The following MFSD12 variants were observed in gnomAD, a reference collection of about 807,000 sequenced individuals.
The protein encoded by MFSD12 is major facilitator superfamily domain-containing protein 12.
MFSD12 carries 67 observed loss-of-function variants against 51.2 expected under a neutral mutation model. The ratio of observed to expected loss-of-function variants is 1.31; its 90% confidence interval spans 1.08 to 1.60. The LOEUF (loss-of-function observed/expected upper bound fraction) is 1.60, where lower values mean the gene tolerates loss of function less well. Ranked by LOEUF, MFSD12 falls within the 40% of genes most tolerant of loss-of-function variation. MFSD12 has a pLI of 0.00. For synonymous variants in MFSD12, 441 were observed against 316.7 expected, an observed-to-expected ratio of 1.39 and a Z score of -4.17; for missense variants, 921 against 673.0, an observed-to-expected ratio of 1.37 and a Z score of -4.08.
Position 3,551,126 on chromosome 19 carries a change from G to A in MFSD12, c.367C>T (p.Pro123Ser). 6.2e-7 allele frequency: 1 copy of A among 1,613,044 alleles called. No individual in the cohort carries two copies. Among genetic ancestry groups the A allele is most frequent in the African/African-American group, 1.3e-5 (1 of 75,078 alleles). The change falls in exon 2 of 10, where the codon CCC becomes TCC. Residue 123 changes from proline (P) to serine (S), a missense_variant. Physicochemically the swap from Pro to Ser is moderately conservative, Grantham distance 74. Coordinates refer to ENST00000355415, the MANE Select transcript of MFSD12 (RefSeq NM_174983.5). This position sits in a 1 kb window ranked among gnomAD's most constrained non-coding sequence, Gnocchi z 4.6. ...TAGTAGAGGAGGGCAGCCCACTCGG[G>A]CGTGGCCGCCCCACAGCCCAGGCAG... is the stretch of plus-strand genomic sequence containing the variant. ...SPCLGCGAAT[P>S]EWAALLYYGP...
chr19:3,544,076 GGGGACCAGAGGCTC>G, downstream of MFSD12: 1 of 1,458,914 alleles, frequency 6.9e-7, no homozygotes, highest in South Asian at 1.4e-5. Flanking sequence ...CCTAGTCCCA[GGGGACCAGAGGCTC>G]GGGACAGAGG....
rs762571396 is a variant in MFSD12, at chr19:3,547,943, C to T, written c.742G>A (p.Glu248Lys). ...AGGGGGGTGTGCTCGCCTGGCTCCTCCGCATGCGGCCGGCGCCTCTCCCGG... is the reference window on the plus strand; with the variant it reads ...AGGGGGGTGTGCTCGCCTGGCTCCTTCGCATGCGGCCGGCGCCTCTCCCGG... ...GTRERRRPHA[E>K]EPGEHTPLLA... Residue 248 changes from glutamate to lysine, a missense_variant, in exon 4 of 10, where the codon GAG becomes AAG. Transcript: ENST00000355415. The T allele has an allele frequency of 2.3e-5, 37 of 1,593,252 alleles. 1 individual carries two copies. In the Middle Eastern group the frequency reaches 8.4e-4, roughly 36 times the overall value.
intron 1 of MFSD12, among the ~76,000 whole-genome samples, chr19:3,555,265 C>T (rs753170909): frequency 2.0e-5 from 3 of 152,136 alleles, no homozygotes; most frequent in Non-Finnish European, 4.4e-5. Flanking sequence ...TGCGCCACCA[C>T]GCTCGGCTAA....
chr19:3,554,331 G>A (rs2031629034), intron 1 of MFSD12, among the ~76,000 whole-genome samples: 1 of 151,748 alleles, frequency 6.6e-6, no homozygotes, highest in Non-Finnish European at 1.5e-5. Context: ...CAGCTACTCA[G>A]GAGGCTGACG....
chr19:3,543,486 C>A (rs755094252), downstream of MFSD12: 12 of 1,518,318 alleles, frequency 7.9e-6, no homozygotes, highest in South Asian at 1.2e-4. Context: ...GAGTGCCCCC[C>A]CCCCCGCCCT....
At chr19:3,543,519 G>A, downstream of MFSD12, 1 of 1,529,488 alleles carries the variant, frequency 6.5e-7, no homozygotes, top group Non-Finnish European at 8.8e-7. Context: ...TGCCAGAGGG[G>A]GACAGGAATG....
At chr19:3,556,992 G>A (rs956818106) in intron 1 of MFSD12, 114 bp downstream of exon 1, 1 of 1,034,544 alleles carries the variant, frequency 9.7e-7, no homozygotes, top group Non-Finnish European at 1.3e-6. Flanking sequence ...AGACCGAGGG[G>A]AGACTCCGAT....
chr19:3,547,434 T>A (rs1375443396), intron 5 of MFSD12, 21 bp downstream of exon 5: 1 of 1,611,970 alleles, frequency 6.2e-7, no homozygotes, highest in Non-Finnish European at 8.5e-7. Context: ...CATCCCAGCG[T>A]CCCCGCCCCA....
chr19:3,554,091 A>T lies in MFSD12; in HGVS notation c.299-2897T>A, dbSNP rs981677358. Among the ~76,000 whole-genome samples, 7 of 151,848 alleles carry T rather than the reference A, an allele frequency of 4.6e-5. No individual in the cohort carries two copies. The East Asian group carries it at 1.3e-3, about 29-fold the overall frequency. On this transcript the variant is annotated intron_variant, in intron 1 of 9. Coordinates refer to ENST00000355415, the MANE Select transcript of MFSD12 (RefSeq NM_174983.5). ...AGCAAGACTCCGTCTCAAAAATAAA[A>T]AATAAAAATAAATAAAAAATTAAAA...
rs768258732 is a variant in MFSD12 at position 3,547,354 on chromosome 19, G to C, written c.941C>G (p.Ala314Gly). 1.2e-6 allele frequency: 2 copies of C among 1,613,218 alleles called. No individual in the cohort carries two copies. The highest frequency in any genetic ancestry group is 2.7e-5 in the African/African-American group (2 of 74,944). ...YSLHLPKKFI[A>G]TIPLVMYLSG... ...GAGGTACATCACCAGGGGAATGGTC[G>C]CGATGAACTTCTGCGGAGGCAGAGC... is the stretch of plus-strand genomic sequence containing the variant. The change falls in exon 6 of 10, where the codon GCG becomes GGG. Residue 314 changes from alanine (A) to glycine (G), a missense_variant. Physicochemically the swap from Ala to Gly is moderately conservative, Grantham distance 60. Coordinates refer to ENST00000355415, the MANE Select transcript of MFSD12 (RefSeq NM_174983.5).
chr19:3,549,162 C>T (rs975174154), intron 2 of MFSD12, among the ~76,000 whole-genome samples: 13 of 152,318 alleles, frequency 8.5e-5, no homozygotes, highest in Non-Finnish European at 1.0e-4. Flanking sequence ...GCATCATCCT[C>T]GTAACCAGAA....
At chr19:3,541,082 T>C (rs1206902298), downstream of MFSD12, among the ~76,000 whole-genome samples, 2 of 146,606 alleles carry the variant, frequency 1.4e-5, no homozygotes, top group African/African-American at 5.1e-5. Context: ...GGCAGGAGAA[T>C]CGCTTGAACC....
rs10414697 is a variant in MFSD12 at position 3,547,576 on chromosome 19, A to C, written c.838-29T>G. 5,106 of 1,569,536 alleles carry C rather than the reference A, an allele frequency of 3.3e-3. 130 individuals carry two copies. In the African/African-American group the frequency reaches 0.061, roughly 19 times the overall value. On this transcript the variant is annotated intron_variant, in intron 4 of 9. Coordinates refer to ENST00000355415, the MANE Select transcript of MFSD12 (RefSeq NM_174983.5). ...TGGGCAGACCGACAGAGGGACTGGC[A>C]GGGGTCAGGAGGGCCTTCTCCACTC... is the stretch of plus-strand genomic sequence containing the variant.
chr19:3,544,660 C>G lies in MFSD12; in HGVS notation c.*50G>C, dbSNP rs1340702525. ...TTTCCCCAAGGCCCTGGGGGGCATC[C>G]TCGTGCGTCCCCACAGTTCCCTTGC... On this transcript the variant is annotated 3_prime_UTR_variant, in exon 10 of 10. Transcript: ENST00000355415. 3 of 1,551,372 alleles carry G rather than the reference C, an allele frequency of 1.9e-6. No homozygotes were observed. The highest frequency in any genetic ancestry group is 1.4e-5 in the African/African-American group (1 of 73,802).
rs371763062 is a variant in MFSD12, at chr19:3,544,811, C to G, written c.1418G>C (p.Arg473Pro). The change falls in exon 9 of 10, where the codon CGC becomes CCC. Residue 473 changes from arginine (R) to proline (P), a missense_variant and splice_region_variant. Physicochemically the swap from Arg to Pro is moderately radical, Grantham distance 103. Transcript: ENST00000355415. ...SLLLWPTRLR[R>P]WDRDARP The stretch of plus-strand genomic sequence containing the variant: ...GGGAGGGGTGGGCCAGGACTCACAG[C>G]GTCGCAGGCGGGTCGGCCACAGCAG... The G allele has an allele frequency of 8.1e-6, 13 of 1,611,856 alleles. No individual in the cohort carries two copies. In the African/African-American group the frequency reaches 1.3e-4, roughly 17 times the overall value.
rs546486349 is a variant in MFSD12 at position 3,549,521 on chromosome 19, G to A, written c.510-1254C>T. Among the ~76,000 whole-genome samples, 151 of 149,940 alleles carry A rather than the reference G, an allele frequency of 1.0e-3. 2 individuals are homozygous for A. The highest frequency in any genetic ancestry group is 3.5e-3 in the African/African-American group (141 of 40,664). The stretch of plus-strand genomic sequence containing the variant: ...GGCAGATCACTGAGGTCAGGAGTTC[G>A]AGACCAGCCTGGCCAAGACGGTGAA... On this transcript the variant is annotated intron_variant, in intron 2 of 9. Coordinates refer to ENST00000355415, the MANE Select transcript of MFSD12 (RefSeq NM_174983.5).
In MFSD12 at chr19:3,547,360, A is replaced by C; in HGVS notation, c.935T>G (p.Phe312Cys). 2.5e-6 allele frequency: 4 copies of C among 1,613,296 alleles called. No individual in the cohort carries two copies. Among genetic ancestry groups the C allele is most frequent in the Non-Finnish European group, 1.7e-6 (2 of 1,179,958 alleles). The change falls in exon 6 of 10, where the codon TTC becomes TGC. Residue 312 changes from phenylalanine (F) to cysteine (C), a missense_variant. Coordinates refer to ENST00000355415, the MANE Select transcript of MFSD12 (RefSeq NM_174983.5). ...CATCACCAGGGGAATGGTCGCGATG[A>C]ACTTCTGCGGAGGCAGAGCCAGGCA... ...LTYSLHLPKK[F>C]IATIPLVMYL... is the part of the protein sequence containing the mutation.
chr19:3,551,283 C>T lies in MFSD12; in HGVS notation c.299-89G>A. ...GACATGGAGGGAGGAGAGAGGGAAA[C>T]TGAGGCACAGATGGAGACGCCCCCC... On this transcript the variant is annotated intron_variant, in intron 1 of 9. Transcript: ENST00000355415. The surrounding 1 kb of genome is among the most constrained non-coding windows in gnomAD (Gnocchi z 4.6). 1 of 1,085,580 alleles carries T rather than the reference C, an allele frequency of 9.2e-7. No homozygotes were observed. Among genetic ancestry groups the T allele is most frequent in the Non-Finnish European group, 1.3e-6 (1 of 766,634 alleles). The allele number at this position is 1,085,580 out of a possible 1,614,324, so 67.2% of individuals were successfully genotyped here.
chr19:3,540,472 G>T (rs910970419), downstream of MFSD12, among the ~76,000 whole-genome samples: 2 of 150,984 alleles, frequency 1.3e-5, no homozygotes, highest in Non-Finnish European at 3.0e-5. Flanking sequence ...TGGCCAGGAT[G>T]GTCTCGATCT....
Sources: gnomAD v4.1 joint callset for allele counts (sites outside exome capture counted in the v4.1 genomes callset) on GRCh38, gnomAD v4.1.1 for gene constraint, Gnocchi (gnomAD v3.1) non-coding constraint, MANE v1.5 for transcripts, NCBI Gene and HGNC (gene_info 2026-07-23, HGNC 2026-07-21) for gene names.